XRCC4: variants seen among roughly 807,000 people sequenced by gnomAD.
XRCC4 encodes the protein DNA repair protein XRCC4.
Under a neutral mutation model 39.1 loss-of-function variants are expected in XRCC4, and 28 were observed. That is an observed-to-expected ratio of 0.72 (90% CI 0.53 to 0.98). The LOEUF (loss-of-function observed/expected upper bound fraction) is 0.98. Among genes scored for constraint, XRCC4 ranks in the 50% least tolerant of loss-of-function variants. The pLI is 0.00. For missense variants in XRCC4, 350 were observed against 376.4 expected, an observed-to-expected ratio of 0.93 and a Z score of 0.58; for synonymous variants, 123 against 126.4, an observed-to-expected ratio of 0.97 and a Z score of 0.18.
intron 3 of XRCC4, among the ~76,000 whole-genome samples, chr5:83,191,183 A>G (rs986970076): frequency 1.3e-5 from 2 of 152,218 alleles, no homozygotes; most frequent in African/African-American, 4.8e-5. Context: ...TAAGCAGGAT[A>G]TAACTGAATA....
At chr5:83,226,134 T>A (rs1752282880) in intron 6 of XRCC4, among the ~76,000 whole-genome samples, 1 of 152,030 alleles carries the variant, frequency 6.6e-6, no homozygotes, top group Non-Finnish European at 1.5e-5. Context: ...TTTACTATGG[T>A]CTAGAGAGAT....
intron 1 of XRCC4, among the ~76,000 whole-genome samples, chr5:83,101,185 G>C (rs1745917916): frequency 6.6e-6 from 1 of 151,884 alleles, no homozygotes; most frequent in Admixed American, 6.6e-5. Flanking sequence ...TTTGTGCTTT[G>C]TTCCTGATTC....
Position 83,203,643 on chromosome 5 carries a change from A to G in XRCC4, c.574A>G (p.Arg192Gly). 1 of 1,612,238 alleles carries G rather than the reference A, an allele frequency of 6.2e-7. No homozygotes were observed. The highest frequency in any genetic ancestry group is 8.5e-7 in the Non-Finnish European group (1 of 1,179,242). Residue 192 changes from arginine (R) to glycine (G), a missense_variant, in exon 5 of 8, where the codon AGA becomes GGA. Coordinates refer to ENST00000396027, the MANE Select transcript of XRCC4 (RefSeq NM_003401.5). ...GTTGAATGAGAAGAAAACAAAAATC[A>G]GAAGTTTGCATAATAAATTATTAAA... ...LVLNEKKTKI[R>G]SLHNKLLNAA...
intron 3 of XRCC4, among the ~76,000 whole-genome samples, chr5:83,136,679 T>C (rs1747913470): frequency 6.6e-6 from 1 of 152,230 alleles, no homozygotes; most frequent in South Asian, 2.1e-4. Flanking sequence ...TTCTGAATGC[T>C]GTTTCAAATT....
downstream of XRCC4, among the ~76,000 whole-genome samples, chr5:83,354,497 A>T (rs1757167577): frequency 6.6e-6 from 1 of 152,250 alleles, no homozygotes; most frequent in Non-Finnish European, 1.5e-5. Flanking sequence ...ACATGGGTGT[A>T]TGTATAATTT....
intron 6 of XRCC4, among the ~76,000 whole-genome samples, chr5:83,233,570 G>C (rs7726167): frequency 0.17 from 26,137 of 151,598 alleles, 4,696 homozygotes; most frequent in African/African-American, 0.46. Context: ...ATGCAGAAAC[G>C]TTTCTTCTAG....
chr5:83,108,262 A>G (rs1746291264), intron 2 of XRCC4, among the ~76,000 whole-genome samples: 1 of 151,994 alleles, frequency 6.6e-6, no homozygotes, highest in Non-Finnish European at 1.5e-5. Context: ...TTGGCACAGA[A>G]TTCAAAACTG....
chr5:83,214,887 A>G (rs1467022451), intron 6 of XRCC4, among the ~76,000 whole-genome samples: 1 of 151,548 alleles, frequency 6.6e-6, no homozygotes, highest in Non-Finnish European at 1.5e-5. Context: ...AATTAAGGAA[A>G]AGAATTGCCT....
chr5:83,215,005 G>A (rs1192683889), intron 6 of XRCC4, among the ~76,000 whole-genome samples: 1 of 152,050 alleles, frequency 6.6e-6, no homozygotes, highest in Non-Finnish European at 1.5e-5. Context: ...GAAGACTTAA[G>A]TAAATGGGAA....
chr5:83,180,441 C>T (rs975474047), intron 3 of XRCC4, among the ~76,000 whole-genome samples: 23 of 152,044 alleles, frequency 1.5e-4, no homozygotes, highest in African/African-American at 5.3e-4. Context: ...AACATTTCAG[C>T]GGCTCAAATT....
At chr5:83,275,851 C>T (rs1240689237) in intron 7 of XRCC4, among the ~76,000 whole-genome samples, 1 of 152,124 alleles carries the variant, frequency 6.6e-6, no homozygotes, top group Non-Finnish European at 1.5e-5. Flanking sequence ...ATTGTAGTGT[C>T]AGATTTACAT....
chr5:83,195,200 T>C (rs547544757), intron 3 of XRCC4, among the ~76,000 whole-genome samples: 7 of 152,132 alleles, frequency 4.6e-5, no homozygotes, highest in Non-Finnish European at 7.4e-5. Flanking sequence ...TTCTTACCTT[T>C]ATGCAAAAGT....
intron 3 of XRCC4, among the ~76,000 whole-genome samples, chr5:83,164,294 G>A (rs955205537): frequency 6.6e-6 from 1 of 152,050 alleles, no homozygotes; most frequent in African/African-American, 2.4e-5. Flanking sequence ...CGTTTAAGTT[G>A]TGCCTCAGAG....
At chr5:83,246,434 T>C (rs1753103819) in intron 6 of XRCC4, among the ~76,000 whole-genome samples, 1 of 152,176 alleles carries the variant, frequency 6.6e-6, no homozygotes, top group South Asian at 2.1e-4. Context: ...GTTATGTTTA[T>C]AGATTAACAA....
intron 3 of XRCC4, among the ~76,000 whole-genome samples, chr5:83,155,697 T>C (rs1032919198): frequency 2.0e-5 from 3 of 152,040 alleles, no homozygotes; most frequent in Non-Finnish European, 4.4e-5. Flanking sequence ...TAGAATATAA[T>C]AAAGAATAAT....
At chr5:83,291,585 T>C (rs1420169390) in intron 7 of XRCC4, among the ~76,000 whole-genome samples, 1 of 151,874 alleles carries the variant, frequency 6.6e-6, no homozygotes, top group African/African-American at 2.4e-5. Flanking sequence ...CAGAATAGAA[T>C]ATATTCCCTC....
intron 6 of XRCC4, among the ~76,000 whole-genome samples, chr5:83,218,154 G>C (rs1474723718): frequency 6.7e-6 from 1 of 150,072 alleles, no homozygotes. Context: ...GTGCCATGTT[G>C]GTGTGCTGCA....
rs573058526 is a variant in XRCC4, at chr5:83,189,604, A to G, written c.316-6166A>G. Among the ~76,000 whole-genome samples the G allele has an allele frequency of 3.3e-5, 5 of 152,314 alleles. No individual in the cohort carries two copies. In the South Asian group the frequency reaches 1.0e-3, roughly 32 times the overall value. On this transcript the variant is annotated intron_variant, in intron 3 of 7. Transcript: ENST00000396027. ...ATGTTGTAGTTGGGAAGATGAGATT[A>G]GTAGTTTTGCAAATATAGTTTTCTT... is the stretch of plus-strand genomic sequence containing the variant.
chr5:83,218,556 A>T (rs1185156878), intron 6 of XRCC4, among the ~76,000 whole-genome samples: 1 of 152,114 alleles, frequency 6.6e-6, no homozygotes, highest in Non-Finnish European at 1.5e-5. Context: ...CATAAGAATA[A>T]TATTAAACCT....
Sources: allele counts gnomAD v4.1 joint callset (sites outside exome capture counted in the v4.1 genomes callset), GRCh38; gene constraint gnomAD v4.1.1; transcripts MANE v1.5; gene names NCBI Gene and HGNC (gene_info 2026-07-23, HGNC 2026-07-21).